The following PPFIA1 variants were observed in gnomAD, a reference collection of about 807,000 sequenced individuals.
The protein encoded by PPFIA1 is PPFI scaffold protein A1.
A neutral mutation model predicts 149.9 loss-of-function variants in PPFIA1; 25 were observed. That is an observed-to-expected ratio of 0.17 (90% confidence interval 0.12 to 0.23). The LOEUF is 0.23. Ranked by LOEUF, PPFIA1 falls within the 10% of genes least tolerant of loss-of-function variation. The probability of loss-of-function intolerance (pLI) is 1.00; values close to 1 mark genes in which losing one functional copy is unlikely to be tolerated. For missense variants in PPFIA1, 1,362 were observed against 1,506.5 expected (o/e 0.90, Z 1.59); for synonymous variants, 549 against 552.8 (o/e 0.99, Z 0.10).
Position 70,324,964 on chromosome 11 carries a change from AAAGC to A in PPFIA1, c.486_489del (p.Lys162AsnfsTer2). ...CGTGTCCAGCGAAGTGGAAGTGCTG[AAAGC>A]ACTGAAGTCCTTATTTGAACACCAC... On this transcript the variant is annotated frameshift_variant, in exon 4 of 28. Coordinates refer to ENST00000253925, the MANE Select transcript of PPFIA1 (RefSeq NM_003626.5). LOFTEE classifies it high-confidence loss of function. 6.2e-7 allele frequency: 1 copy of A among 1,613,822 alleles called. No individual in the cohort carries two copies. Among genetic ancestry groups the A allele is most frequent in the Non-Finnish European group, 8.5e-7 (1 of 1,179,938 alleles).
intron 2 of PPFIA1, among the ~76,000 whole-genome samples, chr11:70,302,387 G>A (rs1159961395): frequency 5.3e-5 from 8 of 152,204 alleles, no homozygotes; most frequent in Non-Finnish European, 1.5e-5. Flanking sequence ...CAGGAAGGTG[G>A]CTATCCAGGG....
In PPFIA1 at chr11:70,374,961, G is replaced by A. The variant is rs2057422018; in HGVS notation, c.3183G>A (p.Leu1061=). The A allele has an allele frequency of 2.5e-6, 4 of 1,613,178 alleles. No homozygotes were observed. Among genetic ancestry groups the A allele is most frequent in the Admixed American group, 1.7e-5 (1 of 59,740 alleles). The change falls in exon 24 of 28, where the codon CTG becomes CTA. Residue 1061 remains leucine (L), a synonymous_variant. Coordinates refer to ENST00000253925, the MANE Select transcript of PPFIA1 (RefSeq NM_003626.5). ...ATGATCGAGTGATTCGCTGGATCCT[G>A]TCAATTGGCCTTAAAGAATATGCAA... is the stretch of plus-strand genomic sequence containing the variant. The part of the protein sequence containing the change: ...WSNDRVIRWI[L]SIGLKEYANN...
intron 2 of PPFIA1, among the ~76,000 whole-genome samples, chr11:70,307,755 A>G (rs1279096678): frequency 7.0e-6 from 1 of 142,270 alleles, no homozygotes; most frequent in Non-Finnish European, 1.5e-5. Context: ...CCTTACCTCT[A>G]CAAAAAAAAT....
chr11:70,301,374 T>TC (rs2052478296), intron 2 of PPFIA1, among the ~76,000 whole-genome samples: 1 of 152,128 alleles, frequency 6.6e-6, no homozygotes, highest in Non-Finnish European at 1.5e-5. Context: ...CATGGTATCT[T>TC]CCCCTGAAGA....
intron 13 of PPFIA1, 42 bp from the exon 14 acceptor site, chr11:70,339,124 ATTTTC>A: frequency 1.2e-6 from 2 of 1,605,862 alleles, no homozygotes; most frequent in Middle Eastern, 1.7e-4. Flanking sequence ...AAGAGAGTTT[ATTTTC>A]TTTTCTTCTA....
At chr11:70,320,835 G>A (rs1017961551) in intron 2 of PPFIA1, among the ~76,000 whole-genome samples, 1 of 152,184 alleles carries the variant, frequency 6.6e-6, no homozygotes, top group Non-Finnish European at 1.5e-5. Flanking sequence ...TGGTCCTAGG[G>A]AGGTAGAATG....
At chr11:70,286,407 G>A (rs1388394282) in intron 2 of PPFIA1, among the ~76,000 whole-genome samples, 1 of 151,988 alleles carries the variant, frequency 6.6e-6, no homozygotes, top group African/African-American at 2.4e-5. Context: ...ACATGCCACC[G>A]CGCCCTGCTA....
At chr11:70,373,688 T>C (rs2057368064) in intron 23 of PPFIA1, 1 of 152,088 alleles carries the variant, frequency 6.6e-6, no homozygotes, top group Non-Finnish European at 1.5e-5. Context: ...TACTCAGGGG[T>C]TGCTTTCTTT....
intron 14 of PPFIA1, chr11:70,342,165 C>T (rs1434273463): frequency 1.3e-5 from 2 of 152,404 alleles, no homozygotes; most frequent in East Asian, 1.9e-4. Flanking sequence ...GAGAAGATGT[C>T]CTTATGCTAA....
At chr11:70,277,355 A>C (rs2050472734) in intron 2 of PPFIA1, among the ~76,000 whole-genome samples, 1 of 151,534 alleles carries the variant, frequency 6.6e-6, no homozygotes, top group South Asian at 2.1e-4. Flanking sequence ...TTTTAGATAT[A>C]CTTTTGCAGT....
chr11:70,303,950 G>T (rs1451432974), intron 2 of PPFIA1, among the ~76,000 whole-genome samples: 1 of 152,156 alleles, frequency 6.6e-6, no homozygotes, highest in Non-Finnish European at 1.5e-5. Flanking sequence ...AGGTTGCGGT[G>T]AGCTGAGATC....
Position 70,288,215 on chromosome 11 carries a change from G to A in PPFIA1, c.264+15779G>A, listed in dbSNP as rs574689969. 6.3e-4 allele frequency among the ~76,000 whole-genome samples: 96 copies of A among 152,152 alleles called. 1 individual carries two copies. Among genetic ancestry groups the A allele is most frequent in the African/African-American group, 2.2e-3 (91 of 41,514 alleles). On this transcript the variant is annotated intron_variant, in intron 2 of 27. Transcript: ENST00000253925. ...AGCCTCCCAAGTAGCTAGGCTTACA[G>A]GTGCCGCCACCATGCCCGGCTAATT...
At chr11:70,334,920 TG>T (rs2054881924) in intron 10 of PPFIA1, among the ~76,000 whole-genome samples, 2 of 152,232 alleles carry the variant, frequency 1.3e-5, no homozygotes, top group South Asian at 4.1e-4. Context: ...TGTCCCTTTC[TG>T]CCTGTCATTT....
intron 11 of PPFIA1, among the ~76,000 whole-genome samples, chr11:70,336,375 G>C (rs60587577): frequency 6.6e-6 from 1 of 152,012 alleles, no homozygotes; most frequent in South Asian, 2.1e-4. Flanking sequence ...GGGGGCACCC[G>C]CCTGTAGTCC....
intron 2 of PPFIA1, among the ~76,000 whole-genome samples, chr11:70,309,415 C>T (rs1033737200): frequency 4.6e-5 from 7 of 152,186 alleles, no homozygotes; most frequent in Non-Finnish European, 7.4e-5. Flanking sequence ...GTGATCTGCC[C>T]GCCTTGGCCT....
rs1206223391 is a variant in PPFIA1, at chr11:70,326,268, A to G, written c.613A>G (p.Ile205Val). The change falls in exon 6 of 28, where the codon ATT becomes GTT. Residue 205 changes from isoleucine (I) to valine (V), a missense_variant. Around this residue, in one of 7 missense-constraint regions of PPFIA1, gnomAD observed 79 missense variants for 146.2 expected, o/e 0.54. Coordinates refer to ENST00000253925, the MANE Select transcript of PPFIA1 (RefSeq NM_003626.5). Reference sequence around the variant, plus strand: ...TTCAATTTTTTGCTTTCAGCTAATGATTCTTAAAGAACAGAATAATCAGAA... The same window carrying G: ...TTCAATTTTTTGCTTTCAGCTAATGGTTCTTAAAGAACAGAATAATCAGAA... ...ELGATHKELM[I>V]LKEQNNQKKT... 3 of 1,585,584 alleles carry G rather than the reference A, an allele frequency of 1.9e-6. No homozygotes were observed. Among genetic ancestry groups the G allele is most frequent in the Non-Finnish European group, 2.6e-6 (3 of 1,162,496 alleles).
intron 21 of PPFIA1, chr11:70,367,612 G>C (rs1379261961): frequency 2.2e-6 from 1 of 455,084 alleles, no homozygotes. Context: ...AGGCTGCTAA[G>C]GCAGCCCAGG....
intron 10 of PPFIA1, among the ~76,000 whole-genome samples, chr11:70,335,267 A>G (rs996534194): frequency 1.1e-4 from 16 of 152,216 alleles, no homozygotes; most frequent in Admixed American, 6.5e-4. Context: ...AATATCTGCT[A>G]TAAATCTGCT....
chr11:70,335,778 A>G, intron 11 of PPFIA1, 84 bp downstream of exon 11: 1 of 1,511,172 alleles, frequency 6.6e-7, no homozygotes, highest in South Asian at 1.1e-5. Flanking sequence ...GGCGTGTGTA[A>G]CAGTGGTTAG....
Sources: allele counts gnomAD v4.1 joint callset (sites outside exome capture counted in the v4.1 genomes callset), GRCh38; gene constraint gnomAD v4.1.1; regional missense constraint gnomAD v4.1.1; transcripts MANE v1.5; gene names NCBI Gene and HGNC (gene_info 2026-07-23, HGNC 2026-07-21).